Variants in LVRN observed in about 807,000 individuals in gnomAD.
LVRN encodes aminopeptidase Q.
LVRN carries 99 observed loss-of-function variants against 111.4 expected under a neutral mutation model. That is an observed-to-expected ratio of 0.89 (90% confidence interval 0.76 to 1.05). The LOEUF (loss-of-function observed/expected upper bound fraction) is 1.05, where lower values mean the gene tolerates loss of function less well. Ranked by LOEUF, LVRN falls within the 50% of genes least tolerant of loss-of-function variation. The pLI is 0.00. For synonymous variants in LVRN, 488 were observed against 449.5 expected (o/e 1.09, Z -1.08); for missense variants, 1,414 against 1,206.8 (o/e 1.17, Z -2.54).
At chr5:115,999,122 C>T (rs78998881) in intron 6 of LVRN, among the ~76,000 whole-genome samples, 8 of 152,182 alleles carry the variant, frequency 5.3e-5, no homozygotes, top group African/African-American at 1.9e-4. Context: ...TCACAAGACT[C>T]TCTGGCTATA....
At chr5:115,966,983 T>C (rs1209267630) in intron 1 of LVRN, among the ~76,000 whole-genome samples, 1 of 152,214 alleles carries the variant, frequency 6.6e-6, no homozygotes, top group Non-Finnish European at 1.5e-5. Context: ...TATTTTCTAA[T>C]AGATTTTATT....
chr5:116,001,413 G>A (rs936272031), intron 10 of LVRN, among the ~76,000 whole-genome samples, 174 bp downstream of exon 10: 12 of 152,248 alleles, frequency 7.9e-5, no homozygotes, highest in African/African-American at 2.9e-4. Flanking sequence ...CCAGAGACCC[G>A]CAGTTAGGGA....
intron 19 of LVRN, chr5:116,023,406 C>T (rs1218315992): frequency 6.6e-6 from 1 of 152,220 alleles, no homozygotes; most frequent in African/African-American, 2.4e-5. Flanking sequence ...ATCCTCAGCA[C>T]TCTCAGTTGC....
Position 115,962,890 on chromosome 5 carries a change from G to A in LVRN, c.273G>A (p.Gly91=), listed in dbSNP as rs1325707214. ...TTTPSNWRPP[G]PWDQLRLPPW... ...CCCCGAGCAACTGGCGACCCCCGGG[G>A]CCCTGGGACCAGCTACGCCTGCCGC... The change falls in exon 1 of 20, where the codon GGG becomes GGA. Residue 91 remains glycine, a synonymous_variant. Coordinates refer to ENST00000357872, the MANE Select transcript of LVRN (RefSeq NM_173800.5). 4 of 1,613,068 alleles carry A rather than the reference G, an allele frequency of 2.5e-6. No individual in the cohort carries two copies. The highest frequency in any genetic ancestry group is 3.4e-6 in the Non-Finnish European group (4 of 1,179,814).
At chr5:116,010,373 A>T in intron 13 of LVRN, 1 of 340,194 alleles carries the variant, frequency 2.9e-6, no homozygotes, top group Non-Finnish European at 5.8e-6. Context: ...GCACATCAGT[A>T]GCTGTCAGAG....
chr5:116,015,497 A>T (rs1748584410), intron 17 of LVRN, 78 bp downstream of exon 17: 1 of 1,475,642 alleles, frequency 6.8e-7, no homozygotes. Flanking sequence ...GAAATGTGCT[A>T]ATGTAAGTAT....
Position 116,003,315 on chromosome 5 carries a change from T to C in LVRN, c.1972T>C (p.Tyr658His). The change falls in exon 12 of 20, where the codon TAT becomes CAT. Residue 658 changes from tyrosine (Y) to histidine (H), a missense_variant. Physicochemically the swap from Tyr to His is moderately conservative, Grantham distance 83. Coordinates refer to ENST00000357872, the MANE Select transcript of LVRN (RefSeq NM_173800.5). ...VILNLNMTGY[Y>H]RVNYDKLGWK... ...TTTGAATTTGAATATGACTGGATAT[T>C]ATAGAGTTAATTATGATAAATTAGG... is the stretch of plus-strand genomic sequence containing the variant. The C allele has an allele frequency of 6.4e-7, 1 of 1,551,028 alleles. No individual in the cohort carries two copies. The highest frequency in any genetic ancestry group is 8.8e-7 in the Non-Finnish European group (1 of 1,136,838).
At chr5:115,978,572 G>A (rs986693475) in intron 1 of LVRN, among the ~76,000 whole-genome samples, 5 of 152,080 alleles carry the variant, frequency 3.3e-5, no homozygotes, top group African/African-American at 1.2e-4. Context: ...AGTTAGATGA[G>A]AAAATTAGAA....
intron 3 of LVRN, 104 bp downstream of exon 3, chr5:115,984,813 T>C: frequency 5.5e-6 from 8 of 1,453,994 alleles, no homozygotes; most frequent in Non-Finnish European, 7.4e-6. Flanking sequence ...CCCAAATCGC[T>C]TCCTAGTTCT....
chr5:115,976,296 G>A (rs912911775), intron 1 of LVRN: 1 of 152,246 alleles, frequency 6.6e-6, no homozygotes, highest in Non-Finnish European at 1.5e-5. Flanking sequence ...GGTTAGATGA[G>A]AGTAAGTGCA....
intron 18 of LVRN, chr5:116,021,891 G>T: frequency 3.1e-6 from 1 of 327,188 alleles, no homozygotes; most frequent in South Asian, 2.7e-5. Context: ...GAGAGCCATG[G>T]TGCTCAGCCT....
chr5:115,997,868 C>T (rs1748152695), intron 6 of LVRN, among the ~76,000 whole-genome samples: 1 of 151,976 alleles, frequency 6.6e-6, no homozygotes, highest in Non-Finnish European at 1.5e-5. Context: ...TTATGGGAGG[C>T]CCAGAATAGA....
chr5:115,982,662 G>T (rs1157151935), intron 1 of LVRN, among the ~76,000 whole-genome samples: 1 of 152,104 alleles, frequency 6.6e-6, no homozygotes, highest in Non-Finnish European at 1.5e-5. Flanking sequence ...TAAGTCACCA[G>T]TGTGTGGTGG....
At chr5:116,020,210 T>C (rs2112644255) in intron 18 of LVRN, 1 of 152,374 alleles carries the variant, frequency 6.6e-6, no homozygotes, top group South Asian at 2.1e-4. Context: ...ATCTCTTGAA[T>C]ACTCATTCCA....
Position 115,975,765 on chromosome 5 carries a change from A to C in LVRN, c.696-7522A>C, listed in dbSNP as rs1001898948. ...ACCATTTTTCACGTCATCACACATT[A>C]TATTAAAATTTGCCTTCCTCCGGTT... On this transcript the variant is annotated intron_variant, in intron 1 of 19. Transcript: ENST00000357872. 26 of 152,872 alleles carry C rather than the reference A, an allele frequency of 1.7e-4. 1 individual carries two copies. Among genetic ancestry groups the C allele is most frequent in the Admixed American group, 5.2e-4 (8 of 15,288 alleles). 9.5% of individuals were successfully genotyped at this position (152,872 alleles called of 1,614,324 possible). A position where few individuals can be genotyped will look rare whatever the true frequency, so the allele number is the denominator to read the frequency against.
chr5:116,022,380 T>C lies in LVRN; in HGVS notation c.2757-11T>C, dbSNP rs773162754. On this transcript the variant is annotated splice_polypyrimidine_tract_variant and intron_variant, in intron 18 of 19. Coordinates refer to ENST00000357872, the MANE Select transcript of LVRN (RefSeq NM_173800.5). Reference sequence around the variant, plus strand: ...CTTTCCACCCTTGATTAACATCTTATTGCCTTGTAGGTATGGAACACAATC... The same window carrying C: ...CTTTCCACCCTTGATTAACATCTTACTGCCTTGTAGGTATGGAACACAATC... The C allele has an allele frequency of 1.9e-6, 3 of 1,563,520 alleles. No individual in the cohort carries two copies. The highest frequency in any genetic ancestry group is 1.1e-5 in the South Asian group (1 of 88,304).
At chr5:115,989,222 T>A (rs1178151941) in intron 4 of LVRN, among the ~76,000 whole-genome samples, 1 of 152,102 alleles carries the variant, frequency 6.6e-6, no homozygotes, top group Non-Finnish European at 1.5e-5. Context: ...AAGTCCGAAG[T>A]CAGTACCGTG....
At chr5:115,977,723 C>T (rs973678853) in intron 1 of LVRN, among the ~76,000 whole-genome samples, 4 of 152,106 alleles carry the variant, frequency 2.6e-5, no homozygotes, top group African/African-American at 4.8e-5. Flanking sequence ...ACTTGCTGGT[C>T]GTCTAATCAG....
chr5:116,024,058 A>G (rs560874339), intron 19 of LVRN, among the ~76,000 whole-genome samples: 4 of 152,338 alleles, frequency 2.6e-5, no homozygotes, highest in East Asian at 1.9e-4. Flanking sequence ...ATGGATCTAT[A>G]GTGACAAAGG....
Sources: allele counts gnomAD v4.1 joint callset (sites outside exome capture counted in the v4.1 genomes callset), GRCh38; gene constraint gnomAD v4.1.1; transcripts MANE v1.5; gene names NCBI Gene and HGNC (gene_info 2026-07-23, HGNC 2026-07-21).